The following CFAP299 variants were observed in gnomAD, a reference collection of about 807,000 sequenced individuals.
The protein encoded by CFAP299 is cilia- and flagella-associated protein 299.
CFAP299 carries 21 observed loss-of-function variants against 27.0 expected under a neutral mutation model. The observed-to-expected ratio is 0.78, with a 90% CI of 0.55 to 1.12. The LOEUF is 1.12. CFAP299 is among the 50% of genes most tolerant of loss of function. CFAP299 has a pLI of 0.00. For missense variants in CFAP299, 310 were observed against 276.6 expected, an observed-to-expected ratio of 1.12 and a Z score of -0.86; for synonymous variants, 104 against 98.1, an observed-to-expected ratio of 1.06 and a Z score of -0.36.
chr4:80,441,696 C>A (rs1399712254), intron 2 of CFAP299, among the ~76,000 whole-genome samples: 1 of 152,188 alleles, frequency 6.6e-6, no homozygotes, highest in East Asian at 1.9e-4. Flanking sequence ...GTTAAATTCA[C>A]ACATAATAAT....
intron 3 of CFAP299, among the ~76,000 whole-genome samples, chr4:80,721,152 G>C (rs1722788187): frequency 6.6e-6 from 1 of 152,070 alleles, no homozygotes; most frequent in African/African-American, 2.4e-5. Context: ...TTTGAATCCA[G>C]AAAGGAAAGG....
intron 2 of CFAP299, among the ~76,000 whole-genome samples, chr4:80,404,321 A>T (rs965498179): frequency 6.6e-6 from 1 of 152,144 alleles, no homozygotes; most frequent in African/African-American, 2.4e-5. Flanking sequence ...AACCATTTTT[A>T]GTGCAGAGTT....
chr4:80,669,453 A>G (rs1290453689), intron 3 of CFAP299, among the ~76,000 whole-genome samples: 1 of 151,932 alleles, frequency 6.6e-6, no homozygotes, highest in Non-Finnish European at 1.5e-5. Flanking sequence ...GTGCCTGGCC[A>G]GTTACTTGAT....
chr4:80,957,825 A>G (rs887433984), intron 5 of CFAP299, among the ~76,000 whole-genome samples: 17 of 152,240 alleles, frequency 1.1e-4, no homozygotes, highest in Admixed American at 3.9e-4. Flanking sequence ...TCCTCTTTTT[A>G]TCATAATAAT....
intron 2 of CFAP299, among the ~76,000 whole-genome samples, chr4:80,478,498 G>A (rs1008735669): frequency 1.3e-5 from 2 of 151,936 alleles, no homozygotes; most frequent in Non-Finnish European, 2.9e-5. Flanking sequence ...TTTTTAATTA[G>A]CAATTTCTCA....
intron 3 of CFAP299, among the ~76,000 whole-genome samples, chr4:80,622,326 A>G (rs577602529): frequency 7.2e-5 from 11 of 152,226 alleles, no homozygotes; most frequent in African/African-American, 2.2e-4. Context: ...ATGCAGAGAC[A>G]TTTTATTTTA....
intron 3 of CFAP299, among the ~76,000 whole-genome samples, chr4:80,735,880 T>A (rs1486836095): frequency 1.3e-5 from 2 of 152,148 alleles, no homozygotes; most frequent in Non-Finnish European, 2.9e-5. Flanking sequence ...CCATCAGGGA[T>A]AATGGTCTTT....
intron 2 of CFAP299, among the ~76,000 whole-genome samples, chr4:80,471,946 A>T (rs962257633): frequency 1.3e-5 from 2 of 152,164 alleles, no homozygotes; most frequent in African/African-American, 4.8e-5. Flanking sequence ...GGCAAGCCAC[A>T]CTGCCCCTGC....
intron 3 of CFAP299, among the ~76,000 whole-genome samples, chr4:80,591,158 C>T (rs1578643586): frequency 8.5e-6 from 1 of 118,210 alleles, no homozygotes; most frequent in Non-Finnish European, 1.6e-5. Context: ...GAGTCTCGCT[C>T]TGTCGCCCAG....
At chr4:80,390,720 C>CATATATGTATATATGT (rs1208322596) in intron 2 of CFAP299, among the ~76,000 whole-genome samples, 3 of 138,164 alleles carry the variant, frequency 2.2e-5, no homozygotes, top group Non-Finnish European at 4.6e-5. Context: ...TGTATACACA[C>CATATATGTATATATGT]ATACATGTAT....
chr4:80,380,573 G>A (rs897906587), intron 2 of CFAP299, among the ~76,000 whole-genome samples: 2 of 151,892 alleles, frequency 1.3e-5, no homozygotes, highest in Non-Finnish European at 2.9e-5. Flanking sequence ...GGTTACAGGT[G>A]CATGCCACCA....
At chr4:80,621,465 A>G (rs1311375180) in intron 3 of CFAP299, among the ~76,000 whole-genome samples, 1 of 152,076 alleles carries the variant, frequency 6.6e-6, no homozygotes, top group Non-Finnish European at 1.5e-5. Flanking sequence ...CTAATCTCTC[A>G]TCCCATTCTT....
In CFAP299 at chr4:80,368,172, G is replaced by T. The variant is rs145870469; in HGVS notation, c.242+5288G>T. 3.4e-3 allele frequency among the ~76,000 whole-genome samples: 519 copies of T among 152,276 alleles called. 6 individuals are homozygous for T. The highest frequency in any genetic ancestry group is 0.012 in the African/African-American group (493 of 41,562). ...CCTGATGGATTCTGTCATTGTACTG[G>T]TTAGCTATTGCCATCTTCTTGGAAG... On this transcript the variant is annotated intron_variant, in intron 2 of 5. Transcript: ENST00000358105.
At chr4:80,691,763 T>G (rs978966114) in intron 3 of CFAP299, among the ~76,000 whole-genome samples, 15 of 151,854 alleles carry the variant, frequency 9.9e-5, no homozygotes, top group African/African-American at 3.6e-4. Context: ...TGTCCCTGTT[T>G]GCAGTTGACA....
intron 2 of CFAP299, among the ~76,000 whole-genome samples, chr4:80,555,141 A>T (rs1054581641): frequency 6.6e-6 from 1 of 152,162 alleles, no homozygotes; most frequent in African/African-American, 2.4e-5. Flanking sequence ...TGGGTTTGTC[A>T]TAGATGGCTC....
At chr4:80,607,566 G>A (rs1407072456) in intron 3 of CFAP299, among the ~76,000 whole-genome samples, 1 of 151,638 alleles carries the variant, frequency 6.6e-6, no homozygotes, top group African/African-American at 2.4e-5. Context: ...GAGAATTAGG[G>A]AAAAAATGAA....
intron 3 of CFAP299, among the ~76,000 whole-genome samples, chr4:80,818,513 A>G (rs1178610703): frequency 1.3e-5 from 2 of 152,138 alleles, no homozygotes; most frequent in East Asian, 3.9e-4. Flanking sequence ...TATTACTTGA[A>G]TAGTGAAGTT....
At chr4:80,405,705 A>AATATCTAAAT (rs1167090930) in intron 2 of CFAP299, among the ~76,000 whole-genome samples, 1 of 152,062 alleles carries the variant, frequency 6.6e-6, no homozygotes, top group Non-Finnish European at 1.5e-5. Flanking sequence ...TCCTTCTGCA[A>AATATCTAAAT]ATATCTAAAT....
intron 3 of CFAP299, among the ~76,000 whole-genome samples, chr4:80,694,177 G>A (rs1158816593): frequency 6.6e-6 from 1 of 152,080 alleles, no homozygotes; most frequent in Non-Finnish European, 1.5e-5. Context: ...TTTGATCACC[G>A]TTGAACAACA....
Sources: allele counts gnomAD v4.1 joint callset (sites outside exome capture counted in the v4.1 genomes callset), GRCh38; gene constraint gnomAD v4.1.1; transcripts MANE v1.5; gene names NCBI Gene and HGNC (gene_info 2026-07-23, HGNC 2026-07-21).